TRMT9B: variants seen among roughly 807,000 people sequenced by gnomAD.
The protein encoded by TRMT9B is tRNA methyltransferase 9B (putative).
Under a neutral mutation model 11.5 loss-of-function variants are expected in TRMT9B, and 16 were observed. That is an observed-to-expected ratio of 1.39 (90% CI 0.94 to 2.11). The LOEUF is 2.11. Among genes scored for constraint, TRMT9B ranks in the 30% most tolerant of loss-of-function variants. The pLI, the probability that TRMT9B is intolerant of heterozygous loss-of-function variation, is 0.00. For synonymous variants in TRMT9B, 274 were observed against 192.4 expected, an observed-to-expected ratio of 1.42 and a Z score of -3.51; for missense variants, 941 against 553.8, an observed-to-expected ratio of 1.70 and a Z score of -7.02.
intron 1 of TRMT9B, among the ~76,000 whole-genome samples, chr8:12,956,860 T>C (rs1801383307): frequency 6.6e-6 from 1 of 152,222 alleles, no homozygotes; most frequent in East Asian, 1.9e-4. Context: ...TCCAAACTAT[T>C]GAAGTAGATA....
At chr8:12,963,396 G>A (rs1214623339) in intron 1 of TRMT9B, among the ~76,000 whole-genome samples, 2 of 152,196 alleles carry the variant, frequency 1.3e-5, no homozygotes, top group Admixed American at 6.5e-5. Context: ...TTGCACCACT[G>A]CACTCCAGCC....
At chr8:13,008,369 C>A (rs1487253680) in intron 3 of TRMT9B, among the ~76,000 whole-genome samples, 1 of 152,090 alleles carries the variant, frequency 6.6e-6, no homozygotes, top group East Asian at 1.9e-4. Flanking sequence ...GAAATTGTGG[C>A]CCTAAATAGA....
chr8:13,014,478 G>C (rs1420683972), intron 4 of TRMT9B, among the ~76,000 whole-genome samples: 1 of 152,094 alleles, frequency 6.6e-6, no homozygotes, highest in Non-Finnish European at 1.5e-5. Flanking sequence ...AGAAGAAGGG[G>C]AGAATGAGAG....
intron 1 of TRMT9B, chr8:12,960,564 C>T (rs932660766): frequency 6.6e-6 from 1 of 152,164 alleles, no homozygotes; most frequent in African/African-American, 2.4e-5. Flanking sequence ...CCAAGATGTC[C>T]TTCAATAGGT....
At chr8:12,968,829 C>G (rs1395046355) in intron 1 of TRMT9B, among the ~76,000 whole-genome samples, 2 of 152,210 alleles carry the variant, frequency 1.3e-5, no homozygotes, top group African/African-American at 4.8e-5. Context: ...TCTACACAGG[C>G]CTGGCCTGAC....
chr8:12,975,127 T>C (rs2460901), intron 1 of TRMT9B, among the ~76,000 whole-genome samples: 48,663 of 151,756 alleles, frequency 0.32, 8,184 homozygotes, highest in East Asian at 0.6. Flanking sequence ...AGCTGTTAAT[T>C]GTCCAGAACA....
At chr8:12,954,742 TAAAG>T (rs1488830821) in intron 1 of TRMT9B, among the ~76,000 whole-genome samples, 1 of 152,212 alleles carries the variant, frequency 6.6e-6, no homozygotes, top group East Asian at 1.9e-4. Context: ...TTTGATGCCA[TAAAG>T]AAAGTACCTT....
At chr8:12,988,915 T>C (rs1473244328) in intron 1 of TRMT9B, among the ~76,000 whole-genome samples, 1 of 152,200 alleles carries the variant, frequency 6.6e-6, no homozygotes, top group Non-Finnish European at 1.5e-5. Context: ...AAAGTTCTAC[T>C]GCACTTTAAT....
intron 3 of TRMT9B, chr8:13,007,818 A>C (rs1251913580): frequency 6.6e-6 from 1 of 152,184 alleles, no homozygotes; most frequent in Non-Finnish European, 1.5e-5. Flanking sequence ...CTTACATCAA[A>C]ATAAATTCCA....
chr8:13,005,085 C>CAAAAAAAAAAAAAAAA (rs1223540759), intron 2 of TRMT9B, among the ~76,000 whole-genome samples: 1 of 87,710 alleles, frequency 1.1e-5, no homozygotes, highest in Non-Finnish European at 2.3e-5. Flanking sequence ...GACTGCATCT[C>CAAAAAAAAAAAAAAAA]AAAAAAAAAA....
chr8:12,957,090 G>A (rs965725644), intron 1 of TRMT9B, among the ~76,000 whole-genome samples: 3 of 152,200 alleles, frequency 2.0e-5, no homozygotes, highest in Non-Finnish European at 4.4e-5. Context: ...CAGAACAGTA[G>A]CTTACTCGAA....
intron 4 of TRMT9B, among the ~76,000 whole-genome samples, chr8:13,014,109 C>G (rs1335504945): frequency 1.3e-5 from 2 of 152,098 alleles, no homozygotes; most frequent in African/African-American, 4.8e-5. Context: ...TAGGTGGGGA[C>G]TATTTCTTCG....
chr8:13,016,094 G>GTA (rs1554535524), intron 4 of TRMT9B, among the ~76,000 whole-genome samples: 2 of 141,406 alleles, frequency 1.4e-5, no homozygotes, highest in Admixed American at 7.2e-5. Context: ...AATCATATGG[G>GTA]TATATATATA....
chr8:13,016,979 C>A (rs1006874831), intron 4 of TRMT9B, among the ~76,000 whole-genome samples: 1 of 151,194 alleles, frequency 6.6e-6, no homozygotes, highest in Non-Finnish European at 1.5e-5. Context: ...AGAAACTTGG[C>A]CGGGCATAGT....
chr8:12,990,826 C>T lies in TRMT9B; in HGVS notation c.-199-8C>T. The T allele has an allele frequency of 1.6e-6, 2 of 1,287,276 alleles. No individual in the cohort carries two copies. Among genetic ancestry groups the T allele is most frequent in the Non-Finnish European group, 2.0e-6 (2 of 987,118 alleles). The allele number at this position is 1,287,276 out of a possible 1,614,324, so 79.7% of individuals were successfully genotyped here. Reference sequence around the variant, plus strand: ...AATGACATTTAGTATTTGTTTTCTTCCTGATAGGGCCTGTGCTTCCTTCAG... The same window carrying T: ...AATGACATTTAGTATTTGTTTTCTTTCTGATAGGGCCTGTGCTTCCTTCAG... On this transcript the variant is annotated splice_region_variant and splice_polypyrimidine_tract_variant and intron_variant, in intron 1 of 4. Transcript: ENST00000524591.
chr8:12,977,899 T>C (rs769585760), intron 1 of TRMT9B, among the ~76,000 whole-genome samples: 9 of 151,304 alleles, frequency 5.9e-5, no homozygotes, highest in Non-Finnish European at 1.2e-4. Context: ...TGCCGTGGCA[T>C]GTGCCTTTAG....
chr8:13,011,818 G>A (rs1811662087), intron 3 of TRMT9B: 3 of 962,432 alleles, frequency 3.1e-6, no homozygotes, highest in African/African-American at 1.8e-5. Flanking sequence ...ATGTAGCAAT[G>A]AATAGAGATT....
At chr8:12,991,634 A>G (rs1807349343) in intron 2 of TRMT9B, among the ~76,000 whole-genome samples, 1 of 152,116 alleles carries the variant, frequency 6.6e-6, no homozygotes, top group South Asian at 2.1e-4. Flanking sequence ...CCTAGATTGT[A>G]CCTATAATAC....
intron 1 of TRMT9B, among the ~76,000 whole-genome samples, chr8:12,982,986 A>G (rs1278739205): frequency 6.6e-6 from 1 of 152,228 alleles, no homozygotes; most frequent in Non-Finnish European, 1.5e-5. Context: ...GCATGTGTTC[A>G]GGCACCAACC....
Sources: gnomAD v4.1 joint callset for allele counts (sites outside exome capture counted in the v4.1 genomes callset) on GRCh38, gnomAD v4.1.1 for gene constraint, MANE v1.5 for transcripts, NCBI Gene and HGNC (gene_info 2026-07-23, HGNC 2026-07-21) for gene names.